Variants in SPHKAP observed in about 807,000 individuals in gnomAD.
The protein encoded by SPHKAP is SPHK1 interactor, AKAP domain containing, also known as A-kinase anchor protein SPHKAP.
Under a neutral mutation model 137.5 loss-of-function variants are expected in SPHKAP, and 67 were observed. The ratio of observed to expected loss-of-function variants is 0.49; its 90% CI spans 0.40 to 0.60. The LOEUF is 0.60. SPHKAP is among the 20% of genes least tolerant of loss of function. SPHKAP has a pLI of 0.00. For synonymous variants in SPHKAP, 813 were observed against 785.3 expected (o/e 1.04, Z -0.59); for missense variants, 2,097 against 2,069.3 (o/e 1.01, Z -0.26).
intron 11 of SPHKAP, among the ~76,000 whole-genome samples, chr2:227,987,000 T>C (rs906603782): frequency 1.3e-5 from 2 of 152,230 alleles, no homozygotes; most frequent in African/African-American, 2.4e-5. Context: ...TTTAAATTAT[T>C]GGATGTAGGA....
At chr2:228,039,839 A>G (rs931179658) in intron 3 of SPHKAP, among the ~76,000 whole-genome samples, 56 of 152,252 alleles carry the variant, frequency 3.7e-4, no homozygotes, top group African/African-American at 1.3e-3. Flanking sequence ...TCAAATCCAT[A>G]TCATAAGTGC....
intron 3 of SPHKAP, among the ~76,000 whole-genome samples, chr2:228,064,783 A>G (rs1022474810): frequency 1.3e-5 from 2 of 152,242 alleles, no homozygotes; most frequent in African/African-American, 4.8e-5. Flanking sequence ...GTTGCCAAAA[A>G]ACCAGGAAAG....
At chr2:228,095,216 T>C (rs1697943080) in intron 3 of SPHKAP, among the ~76,000 whole-genome samples, 3 of 152,170 alleles carry the variant, frequency 2.0e-5, no homozygotes, top group African/African-American at 7.2e-5. Flanking sequence ...CACGTGCAGA[T>C]GGGAATACCT....
rs546230486 is a variant in SPHKAP, at chr2:228,037,305, A to G, written c.247-9762T>C. On this transcript the variant is annotated intron_variant, in intron 3 of 11. Coordinates refer to ENST00000392056, the MANE Select transcript of SPHKAP (RefSeq NM_001142644.2). ...ATTTCTGGTTGACTGGGCATCAAAG[A>G]GGACCCAATCTTGCACTTAAGTTTT... is the stretch of plus-strand genomic sequence containing the variant. Among the ~76,000 whole-genome samples the G allele has an allele frequency of 2.6e-5, 4 of 152,350 alleles. No homozygotes were observed. The East Asian group carries it at 7.7e-4, about 29-fold the overall frequency.
At chr2:228,134,026 A>G (rs72967047) in intron 1 of SPHKAP, among the ~76,000 whole-genome samples, 28,754 of 151,838 alleles carry the variant, frequency 0.19, 3,099 homozygotes, top group Middle Eastern at 0.31. Context: ...CTGAGGAAAG[A>G]TAAAAGAAAG....
At chr2:228,034,958 T>C (rs1695525539) in intron 3 of SPHKAP, among the ~76,000 whole-genome samples, 1 of 151,392 alleles carries the variant, frequency 6.6e-6, no homozygotes, top group Admixed American at 6.6e-5. Context: ...GCATTCCCTT[T>C]GAAAACTGGC....
At chr2:228,003,104 A>T (rs1693975187) in intron 7 of SPHKAP, among the ~76,000 whole-genome samples, 1 of 152,224 alleles carries the variant, frequency 6.6e-6, no homozygotes, top group Non-Finnish European at 1.5e-5. Context: ...ATCTGTGAAG[A>T]AAGTCATTGG....
At chr2:228,163,514 C>T (rs1483066993) in intron 1 of SPHKAP, among the ~76,000 whole-genome samples, 2 of 152,072 alleles carry the variant, frequency 1.3e-5, no homozygotes, top group African/African-American at 4.8e-5. Context: ...TTCTCTCTCT[C>T]GTTTACTCCT....
At chr2:228,178,590 A>G (rs1288858696) in intron 1 of SPHKAP, among the ~76,000 whole-genome samples, 1 of 152,042 alleles carries the variant, frequency 6.6e-6, no homozygotes. Flanking sequence ...AATCAAATCA[A>G]TTTTCCATAA....
chr2:228,060,403 A>G (rs1559152282), intron 3 of SPHKAP, among the ~76,000 whole-genome samples: 1 of 152,202 alleles, frequency 6.6e-6, no homozygotes, highest in Non-Finnish European at 1.5e-5. Context: ...TCTTTTTCCC[A>G]TAATTGCAAT....
In SPHKAP at chr2:228,149,968, T is replaced by G. The variant is rs982994871; in HGVS notation, c.33-17883A>C. Among the ~76,000 whole-genome samples, 3 of 152,166 alleles carry G rather than the reference T, an allele frequency of 2.0e-5. No homozygotes were observed. The South Asian group carries it at 6.2e-4, about 31-fold the overall frequency. ...TGCTTTGGCTAGGACCTTCAGGAAA[T>G]GTTGAATAGAGTAATGCAAAAATCC... On this transcript the variant is annotated intron_variant, in intron 1 of 11. Coordinates refer to ENST00000392056, the MANE Select transcript of SPHKAP (RefSeq NM_001142644.2).
chr2:228,004,409 C>T (rs556390016), intron 7 of SPHKAP, among the ~76,000 whole-genome samples: 1 of 152,160 alleles, frequency 6.6e-6, no homozygotes, highest in South Asian at 2.1e-4. Context: ...GTGGTGATAT[C>T]CCCTTTATCA....
intron 2 of SPHKAP, among the ~76,000 whole-genome samples, chr2:228,127,491 T>G (rs1304211955): frequency 2.0e-5 from 3 of 152,184 alleles, no homozygotes; most frequent in Non-Finnish European, 4.4e-5. Context: ...TAAATGCAAT[T>G]ATTATGTAAG....
intron 5 of SPHKAP, among the ~76,000 whole-genome samples, chr2:228,022,551 C>T (rs1395527024): frequency 6.6e-6 from 1 of 152,152 alleles, no homozygotes; most frequent in Non-Finnish European, 1.5e-5. Context: ...TTGATGATTA[C>T]ATTTCAAAGA....
intron 2 of SPHKAP, among the ~76,000 whole-genome samples, chr2:228,109,608 C>T (rs1698452595): frequency 6.6e-6 from 1 of 152,134 alleles, no homozygotes; most frequent in Non-Finnish European, 1.5e-5. Flanking sequence ...GAAGAACAAG[C>T]ATATTTTGGA....
At chr2:228,046,247 C>T (rs1278561722) in intron 3 of SPHKAP, among the ~76,000 whole-genome samples, 1 of 148,302 alleles carries the variant, frequency 6.7e-6, no homozygotes, top group Non-Finnish European at 1.5e-5. Context: ...CAATAAAAAT[C>T]CGTGTTTCAA....
chr2:228,017,685 C>A lies in SPHKAP; in HGVS notation c.3169G>T (p.Gly1057Cys). The A allele has an allele frequency of 6.2e-7, 1 of 1,613,956 alleles. No individual in the cohort carries two copies. The highest frequency in any genetic ancestry group is 8.5e-7 in the Non-Finnish European group (1 of 1,179,972). ...GGATAGCCCTGCGCCTGCCACATGC[C>A]GTCCACCATAGAGAACTCCGTTAGG... The part of the protein sequence containing the change: ...MNLTEFSMVD[G>C]MWQAQGYPRN... Residue 1057 changes from glycine (G) to cysteine (C), a missense_variant, in exon 7 of 12, where the codon GGC becomes TGC. By Grantham distance (159) the Gly-to-Cys change is radical (BLOSUM62 -3). Coordinates refer to ENST00000392056, the MANE Select transcript of SPHKAP (RefSeq NM_001142644.2).
intron 11 of SPHKAP, among the ~76,000 whole-genome samples, chr2:227,988,155 G>C (rs979955015): frequency 1.1e-4 from 17 of 152,062 alleles, no homozygotes; most frequent in Admixed American, 3.3e-4. Context: ...ATAAAAGAAA[G>C]ATTATCAAAA....
intron 11 of SPHKAP, among the ~76,000 whole-genome samples, chr2:227,989,279 A>AG (rs768780172): frequency 4.0e-4 from 61 of 152,226 alleles, no homozygotes; most frequent in Non-Finnish European, 6.3e-4. Context: ...AACAGGGCAC[A>AG]GGGGCTTGGC....
Sources: gnomAD v4.1 joint callset for allele counts (sites outside exome capture counted in the v4.1 genomes callset) on GRCh38, gnomAD v4.1.1 for gene constraint, MANE v1.5 for transcripts, NCBI Gene and HGNC (gene_info 2026-07-23, HGNC 2026-07-21) for gene names.